The following CARMIL1 variants were observed in gnomAD, a reference collection of about 807,000 sequenced individuals.
CARMIL1 encodes the protein capping protein regulator and myosin 1 linker 1.
In CARMIL1, 90 loss-of-function variants were observed where a neutral mutation model predicts 177.1. The ratio of observed to expected loss-of-function variants is 0.51; its 90% CI spans 0.43 to 0.61. CARMIL1 has a LOEUF of 0.61. Ranked by LOEUF, CARMIL1 falls within the 20% of genes least tolerant of loss-of-function variation. The probability of loss-of-function intolerance (pLI) is 0.00; values close to 1 mark genes in which losing one functional copy is unlikely to be tolerated. For missense variants in CARMIL1, 1,380 were observed against 1,667.0 expected (o/e 0.83, Z 3.00); for synonymous variants, 577 against 606.2 (o/e 0.95, Z 0.71).
rs1333025318 is a variant in CARMIL1 at position 25,395,320 on chromosome 6, A to C, written c.139-24794A>C. Among the ~76,000 whole-genome samples the C allele has an allele frequency of 2.0e-5, 3 of 152,246 alleles. No homozygotes were observed. In the East Asian group the frequency reaches 5.8e-4, roughly 29 times the overall value. ...CATTAGTCAACATTGGTTGAGTGAC[A>C]GAGTAAATAAGGCATCTTCTGTTAT... On this transcript the variant is annotated intron_variant, in intron 2 of 36. Coordinates refer to ENST00000329474, the MANE Select transcript of CARMIL1 (RefSeq NM_017640.6).
intron 26 of CARMIL1, among the ~76,000 whole-genome samples, chr6:25,541,869 G>T (rs1002773226): frequency 6.6e-6 from 1 of 152,134 alleles, no homozygotes; most frequent in Non-Finnish European, 1.5e-5. Flanking sequence ...GGCCAGGCTG[G>T]TCTCAAACTC....
chr6:25,534,638 A>G (rs1270091832), intron 24 of CARMIL1, among the ~76,000 whole-genome samples: 4 of 152,202 alleles, frequency 2.6e-5, no homozygotes, highest in African/African-American at 9.6e-5. Flanking sequence ...AGTCTATGAT[A>G]TGGCAGGCAC....
chr6:25,386,396 G>T (rs1467502064), intron 2 of CARMIL1, among the ~76,000 whole-genome samples: 1 of 152,022 alleles, frequency 6.6e-6, no homozygotes, highest in Non-Finnish European at 1.5e-5. Flanking sequence ...GGGATTACAG[G>T]TGTCTGCCAC....
chr6:25,615,757 A>C (rs1816841632), intron 36 of CARMIL1, among the ~76,000 whole-genome samples: 1 of 152,252 alleles, frequency 6.6e-6, no homozygotes, highest in African/African-American at 2.4e-5. Context: ...AGTATAAAAA[A>C]TCAGGGCCAA....
intron 11 of CARMIL1, among the ~76,000 whole-genome samples, chr6:25,476,606 T>A (rs1351826928): frequency 6.6e-6 from 1 of 152,156 alleles, no homozygotes; most frequent in African/African-American, 2.4e-5. Context: ...CCACAAGAAA[T>A]CTAATTGAGT....
At chr6:25,493,991 T>G (rs911868674) in intron 15 of CARMIL1, among the ~76,000 whole-genome samples, 34 of 151,966 alleles carry the variant, frequency 2.2e-4, no homozygotes, top group African/African-American at 7.2e-4. Flanking sequence ...TTTAGATTTT[T>G]CTTCTCAAAT....
At chr6:25,585,205 A>G (rs1261894991) in intron 31 of CARMIL1, among the ~76,000 whole-genome samples, 1 of 152,208 alleles carries the variant, frequency 6.6e-6, no homozygotes, top group East Asian at 1.9e-4. Context: ...CACAGGCACC[A>G]TTATTTAAAT....
intron 24 of CARMIL1, among the ~76,000 whole-genome samples, chr6:25,537,362 G>A (rs1297554212): frequency 6.6e-6 from 1 of 152,054 alleles, no homozygotes; most frequent in African/African-American, 2.4e-5. Flanking sequence ...AGATGTTCTG[G>A]TTTCTATAGT....
intron 2 of CARMIL1, among the ~76,000 whole-genome samples, chr6:25,355,615 A>T (rs1788515333): frequency 6.6e-6 from 1 of 152,218 alleles, no homozygotes. Flanking sequence ...TTAAGGCTGC[A>T]GTGAGTTATG....
chr6:25,405,152 A>G (rs1345156647), intron 2 of CARMIL1, among the ~76,000 whole-genome samples: 1 of 152,232 alleles, frequency 6.6e-6, no homozygotes, highest in Non-Finnish European at 1.5e-5. Context: ...TTAGTAAATC[A>G]GTGATGTTTC....
chr6:25,302,233 A>G (rs1325022484), intron 2 of CARMIL1, among the ~76,000 whole-genome samples: 1 of 152,154 alleles, frequency 6.6e-6, no homozygotes, highest in Non-Finnish European at 1.5e-5. Flanking sequence ...GTATACAAGT[A>G]CCTCCATGCA....
intron 31 of CARMIL1, 26 bp from the exon 32 acceptor site, chr6:25,594,389 T>A (rs1350360106): frequency 7.1e-7 from 1 of 1,411,180 alleles, no homozygotes; most frequent in African/African-American, 1.4e-5. Flanking sequence ...GCATGTGAAT[T>A]AACATTACAT....
chr6:25,601,883 T>A (rs1379888991), intron 33 of CARMIL1, among the ~76,000 whole-genome samples: 1 of 152,230 alleles, frequency 6.6e-6, no homozygotes, highest in Admixed American at 6.5e-5. Flanking sequence ...TATGTTTAAG[T>A]CAGGTTGTGG....
At chr6:25,280,494 T>G (rs1780996700) in intron 1 of CARMIL1, among the ~76,000 whole-genome samples, 1 of 151,760 alleles carries the variant, frequency 6.6e-6, no homozygotes, top group South Asian at 2.1e-4. Flanking sequence ...ATTTTAATAA[T>G]GATTAACCTA....
intron 2 of CARMIL1, among the ~76,000 whole-genome samples, chr6:25,312,985 G>A (rs1163658954): frequency 6.6e-6 from 1 of 150,778 alleles, no homozygotes; most frequent in Non-Finnish European, 1.5e-5. Flanking sequence ...TTTCTGAGTT[G>A]TAAAAAGCTT....
chr6:25,412,682 A>G (rs1375467936), intron 2 of CARMIL1, among the ~76,000 whole-genome samples: 1 of 151,994 alleles, frequency 6.6e-6, no homozygotes, highest in Non-Finnish European at 1.5e-5. Flanking sequence ...GGCAGTCTAA[A>G]TCTACAATTT....
At chr6:25,551,363 C>A (rs1810089628) in intron 27 of CARMIL1, among the ~76,000 whole-genome samples, 1 of 151,952 alleles carries the variant, frequency 6.6e-6, no homozygotes, top group South Asian at 2.1e-4. Context: ...GTTTGTAATC[C>A]CTGTTTTCTG....
At chr6:25,479,060 C>T (rs761650721) in intron 11 of CARMIL1, 7 of 516,292 alleles carry the variant, frequency 1.4e-5, no homozygotes, top group Non-Finnish European at 2.3e-5. Flanking sequence ...CCACAATGTT[C>T]CAATGTGTAT....
At chr6:25,562,752 A>C (rs1373578793) in intron 29 of CARMIL1, among the ~76,000 whole-genome samples, 1 of 152,150 alleles carries the variant, frequency 6.6e-6, no homozygotes, top group African/African-American at 2.4e-5. Flanking sequence ...CCTAAGGGAG[A>C]AGATGGGGCA....
Sources: allele counts gnomAD v4.1 joint callset (sites outside exome capture counted in the v4.1 genomes callset), GRCh38; gene constraint gnomAD v4.1.1; transcripts MANE v1.5; gene names NCBI Gene and HGNC (gene_info 2026-07-23, HGNC 2026-07-21).